ALK: variants seen among roughly 807,000 people sequenced by gnomAD.
ALK encodes ALK tyrosine kinase receptor.
Under a neutral mutation model 163.1 loss-of-function variants are expected in ALK, and 74 were observed. The ratio of observed to expected loss-of-function variants is 0.45; its 90% CI spans 0.38 to 0.55. The LOEUF is 0.55. ALK is among the 20% of genes least tolerant of loss of function. The pLI is 0.00. For synonymous variants in ALK, 960 were observed against 843.2 expected, an observed-to-expected ratio of 1.14 and a Z score of -2.40; for missense variants, 2,063 against 2,105.3, an observed-to-expected ratio of 0.98 and a Z score of 0.39.
intron 3 of ALK, among the ~76,000 whole-genome samples, chr2:29,557,439 C>G (rs1349099699): frequency 6.6e-6 from 1 of 152,204 alleles, no homozygotes; most frequent in Non-Finnish European, 1.5e-5. Context: ...TCAGAGCTCA[C>G]TGATCTCAGA....
chr2:29,319,799 C>T (rs115404465), intron 7 of ALK, among the ~76,000 whole-genome samples: 3 of 152,258 alleles, frequency 2.0e-5, no homozygotes, highest in Non-Finnish European at 4.4e-5. Context: ...CTCTCCTCTG[C>T]GTCTTTTACA....
chr2:29,889,269 A>ATATATAT (rs1667071440), intron 1 of ALK, among the ~76,000 whole-genome samples: 1 of 151,924 alleles, frequency 6.6e-6, no homozygotes, highest in African/African-American at 2.4e-5. Flanking sequence ...ATATATATAC[A>ATATATAT]CATATATATC....
intron 8 of ALK, among the ~76,000 whole-genome samples, chr2:29,306,988 C>T (rs1161224861): frequency 6.6e-6 from 1 of 152,200 alleles, no homozygotes; most frequent in African/African-American, 2.4e-5. Context: ...TTATGTGGTA[C>T]CAGTGTTTGT....
chr2:29,303,857 AAAC>A (rs1173777358), intron 8 of ALK, among the ~76,000 whole-genome samples: 1 of 152,208 alleles, frequency 6.6e-6, no homozygotes, highest in Non-Finnish European at 1.5e-5. Flanking sequence ...TTAAAGAAGA[AAAC>A]AATAGATACT....
intron 4 of ALK, among the ~76,000 whole-genome samples, chr2:29,391,296 TC>T (rs1669163199): frequency 2.7e-5 from 1 of 37,608 alleles, no homozygotes; most frequent in Non-Finnish European, 6.9e-5. Context: ...TTTCCTAGCC[TC>T]TTTTTTTTGG....
intron 5 of ALK, among the ~76,000 whole-genome samples, chr2:29,352,914 G>C (rs1668155556): frequency 6.6e-6 from 1 of 152,172 alleles, no homozygotes. Context: ...TTCATTCCTG[G>C]GTGCAGGAGA....
chr2:29,296,318 A>C (rs1666176333), intron 9 of ALK, among the ~76,000 whole-genome samples: 1 of 152,130 alleles, frequency 6.6e-6, no homozygotes, highest in Non-Finnish European at 1.5e-5. Context: ...TCAGGACCTG[A>C]CTCAACAGAG....
intron 2 of ALK, among the ~76,000 whole-genome samples, chr2:29,703,351 T>C (rs1432183578): frequency 6.6e-6 from 1 of 152,232 alleles, no homozygotes; most frequent in Non-Finnish European, 1.5e-5. Context: ...TATGGCCATA[T>C]GTCTTATTCA....
intron 5 of ALK, among the ~76,000 whole-genome samples, chr2:29,341,335 A>G (rs1667785615): frequency 6.6e-6 from 1 of 152,158 alleles, no homozygotes; most frequent in South Asian, 2.1e-4. Context: ...CATACCTGCA[A>G]TGGGTCATGG....
At chr2:29,643,300 T>A (rs1558422501) in intron 3 of ALK, among the ~76,000 whole-genome samples, 1 of 152,310 alleles carries the variant, frequency 6.6e-6, no homozygotes, top group Middle Eastern at 3.4e-3. Context: ...AAAGGCAAAC[T>A]GGTTACCACA....
At chr2:29,889,742 A>AGAGAGAGAGG (rs1667095812) in intron 1 of ALK, among the ~76,000 whole-genome samples, 3 of 120,476 alleles carry the variant, frequency 2.5e-5, no homozygotes, top group African/African-American at 6.2e-5. Flanking sequence ...AGAGAGAGAG[A>AGAGAGAGAGG]GAGAGAGAGA....
chr2:29,483,967 G>A (rs907751293), intron 4 of ALK, among the ~76,000 whole-genome samples: 30 of 152,204 alleles, frequency 2.0e-4, no homozygotes, highest in African/African-American at 3.9e-4. Context: ...GGCGGAAGGC[G>A]AAGGAGGAGC....
intron 1 of ALK, among the ~76,000 whole-genome samples, chr2:29,862,580 G>C (rs1251169926): frequency 6.6e-6 from 1 of 151,954 alleles, no homozygotes; most frequent in Non-Finnish European, 1.5e-5. Context: ...TGAAAGATCT[G>C]AACACTGAAA....
At chr2:29,436,636 T>C (rs534161728) in intron 4 of ALK, among the ~76,000 whole-genome samples, 6 of 152,196 alleles carry the variant, frequency 3.9e-5, no homozygotes, top group South Asian at 4.1e-4. Flanking sequence ...TTTGCTATCA[T>C]ATTGATGTTC....
At position 29,531,224 on chromosome 2, in the gene ALK, C is replaced by T. The variant is rs79550072; in HGVS notation, c.1154+691G>A. Among the ~76,000 whole-genome samples, 1,383 of 152,296 alleles carry T rather than the reference C, an allele frequency of 9.1e-3. 12 individuals are homozygous for T. Among genetic ancestry groups the T allele is most frequent in the Non-Finnish European group, 0.012 (838 of 68,022 alleles). ...TAATCAGATCTGGGGTCCCTCAACG[C>T]TGAGGTCATAGGATGGTATTTATAC... On this transcript the variant is annotated intron_variant, in intron 4 of 28. Coordinates refer to ENST00000389048, the MANE Select transcript of ALK (RefSeq NM_004304.5).
intron 4 of ALK, among the ~76,000 whole-genome samples, chr2:29,415,011 A>G (rs1403996528): frequency 6.6e-6 from 1 of 151,856 alleles, no homozygotes; most frequent in Non-Finnish European, 1.5e-5. Context: ...ATGGATACAT[A>G]GGACATGTGT....
At chr2:29,508,432 A>T (rs1353029243) in intron 4 of ALK, among the ~76,000 whole-genome samples, 4 of 152,092 alleles carry the variant, frequency 2.6e-5, no homozygotes, top group Admixed American at 6.5e-5. Flanking sequence ...CATTCTCAGC[A>T]AACTATCGCA....
At chr2:29,913,296 A>T (rs369847870) in intron 1 of ALK, among the ~76,000 whole-genome samples, 1 of 152,230 alleles carries the variant, frequency 6.6e-6, no homozygotes, top group Non-Finnish European at 1.5e-5. Context: ...TGAAAAATTC[A>T]TCACAAAATT....
rs1409298740 is a variant in ALK, at chr2:29,625,603, T to C, written c.952+69247A>G. Among the ~76,000 whole-genome samples the C allele has an allele frequency of 2.6e-5, 4 of 152,206 alleles. No individual in the cohort carries two copies. The East Asian group carries it at 7.7e-4, about 29-fold the overall frequency. The stretch of plus-strand genomic sequence containing the variant: ...AAGGGGTTGCGTCGGGAGAAATCTG[T>C]TGTTAGGCATTTTCATCACTGTGTC... On this transcript the variant is annotated intron_variant, in intron 3 of 28. Coordinates refer to ENST00000389048, the MANE Select transcript of ALK (RefSeq NM_004304.5).
Sources: gnomAD v4.1 joint callset for allele counts (sites outside exome capture counted in the v4.1 genomes callset) on GRCh38, gnomAD v4.1.1 for gene constraint, MANE v1.5 for transcripts, NCBI Gene and HGNC (gene_info 2026-07-23, HGNC 2026-07-21) for gene names.